Variants in ANKRD36 observed in about 807,000 individuals in gnomAD.
The protein encoded by ANKRD36 is ankyrin repeat domain-containing protein 36A.
A neutral mutation model predicts 278.1 loss-of-function variants in ANKRD36; 179 were observed. The observed-to-expected ratio is 0.64, with a 90% confidence interval of 0.57 to 0.73. ANKRD36 has a LOEUF of 0.73. Ranked by LOEUF, ANKRD36 falls within the 30% of genes least tolerant of loss-of-function variation. The probability of loss-of-function intolerance (pLI) is 0.00; values close to 1 mark genes in which losing one functional copy is unlikely to be tolerated. For missense variants in ANKRD36, 1,159 were observed against 1,956.7 expected (o/e 0.59, Z 7.69); for synonymous variants, 320 against 641.1 (o/e 0.50, Z 7.57).
chr2:97,208,045 G>T (rs1407812583), intron 54 of ANKRD36, 39 bp downstream of exon 54: 11 of 1,473,986 alleles, frequency 7.5e-6, no homozygotes, highest in Non-Finnish European at 1.0e-5. Flanking sequence ...GTTCAGTGCA[G>T]ATAGATAAGA....
intron 40 of ANKRD36, among the ~76,000 whole-genome samples, chr2:97,196,321 AAG>A (rs2059747205): frequency 1.1e-5 from 1 of 88,448 alleles, no homozygotes. Flanking sequence ...CACTCGGCCT[AAG>A]ACATTGATAT....
rs544583292 is a variant in ANKRD36, at chr2:97,167,338, T to C, written c.1532-239T>C. Among the ~76,000 whole-genome samples, 25 of 152,272 alleles carry C rather than the reference T, an allele frequency of 1.6e-4. No homozygotes were observed. In the East Asian group the frequency reaches 4.6e-3, roughly 28 times the overall value. On this transcript the variant is annotated intron_variant, in intron 20 of 75. Transcript: ENST00000420699. ...TGTAGTATTATAGTATAAATGGTTC[T>C]TGGGTGATTTTCTTCAGGGTACACC...
rs2060470018 is a variant in ANKRD36, at chr2:97,198,650, C to A, written c.2747C>A (p.Thr916Asn). Residue 916 changes from threonine to asparagine, a missense_variant, in exon 44 of 76, where the codon ACT (threonine) becomes AAT (asparagine). Coordinates refer to ENST00000420699, the MANE Select transcript of ANKRD36 (RefSeq NM_001354587.1). ...IARGKKDGEK[T>N]KRVSSRKKPS... Reference sequence around the variant, plus strand: ...AGAGGAAAAAAGGATGGAGAAAAAACTAAGAGAGGTAATTTTGAAAAGAGA... The same window carrying A: ...AGAGGAAAAAAGGATGGAGAAAAAAATAAGAGAGGTAATTTTGAAAAGAGA... 1.3e-6 allele frequency: 2 copies of A among 1,542,082 alleles called. No homozygotes were observed. Among genetic ancestry groups the A allele is most frequent in the Admixed American group, 2.0e-5 (1 of 50,714 alleles).
At chr2:97,154,087 CTTTCAAACATTTGCAGTG>C (rs2046824794) in intron 14 of ANKRD36, among the ~76,000 whole-genome samples, 1 of 147,856 alleles carries the variant, frequency 6.8e-6, no homozygotes, top group Admixed American at 6.7e-5. Flanking sequence ...GTACACTCAG[CTTTCAAACATTTGCAGTG>C]TTTCAGGGGG....
rs757919330 is a variant in ANKRD36 at position 97,192,905 on chromosome 2, A to G, written c.2376+19A>G. The G allele has an allele frequency of 1.9e-5, 31 of 1,603,838 alleles. No homozygotes were observed. The highest frequency in any genetic ancestry group is 2.5e-5 in the Non-Finnish European group (30 of 1,177,160). ...CTTGACGGTAATGAAACACTCATTT[A>G]TATTGTGAATGAGTTAAGGTATGGT... On this transcript the variant is annotated intron_variant, in intron 37 of 75. Coordinates refer to ENST00000420699, the MANE Select transcript of ANKRD36 (RefSeq NM_001354587.1).
intron 12 of ANKRD36, among the ~76,000 whole-genome samples, chr2:97,151,211 C>T (rs1298226533): frequency 2.0e-5 from 3 of 151,528 alleles, no homozygotes; most frequent in African/African-American, 4.9e-5. Flanking sequence ...TCTATTCTTT[C>T]ATTTCACTTC....
intron 15 of ANKRD36, among the ~76,000 whole-genome samples, chr2:97,156,434 T>C (rs2047463497): frequency 7.4e-6 from 1 of 134,624 alleles, no homozygotes; most frequent in African/African-American, 2.5e-5. Flanking sequence ...TGTGATCTCA[T>C]TGTTCAATTC....
intron 30 of ANKRD36, among the ~76,000 whole-genome samples, chr2:97,186,928 C>G (rs1337214202): frequency 1.3e-5 from 2 of 151,906 alleles, no homozygotes; most frequent in Admixed American, 1.3e-4. Context: ...TTGGCATACC[C>G]TTTTTGATAT....
chr2:97,217,020 T>C (rs2066115854), intron 62 of ANKRD36, 157 bp from the exon 63 acceptor site: 1 of 1,413,620 alleles, frequency 7.1e-7, no homozygotes. Context: ...TTCAGTGTAT[T>C]TCTGTCATGT....
intron 24 of ANKRD36, 108 bp from the exon 25 acceptor site, chr2:97,181,490 A>G: frequency 7.0e-7 from 1 of 1,436,174 alleles, no homozygotes; most frequent in South Asian, 1.4e-5. Flanking sequence ...ATCAAAGCCT[A>G]CACTAGTACA....
chr2:97,235,252 C>A (rs1357051787), intron 68 of ANKRD36, among the ~76,000 whole-genome samples: 1 of 151,568 alleles, frequency 6.6e-6, no homozygotes, highest in Admixed American at 6.6e-5. Context: ...TGTTCCAACA[C>A]CGCATGTTGA....
intron 5 of ANKRD36, among the ~76,000 whole-genome samples, chr2:97,126,782 A>G (rs1165891866): frequency 6.6e-6 from 1 of 151,526 alleles, no homozygotes; most frequent in Non-Finnish European, 1.5e-5. Flanking sequence ...CCTGTTGGCT[A>G]TAGAGCCAGG....
At chr2:97,172,150 G>A (rs1202394875) in intron 22 of ANKRD36, among the ~76,000 whole-genome samples, 2 of 151,716 alleles carry the variant, frequency 1.3e-5, no homozygotes, top group African/African-American at 4.8e-5. Flanking sequence ...TCACCCAAAT[G>A]CACATTAAAA....
chr2:97,242,288 CAA>C (rs377748316), intron 69 of ANKRD36, among the ~76,000 whole-genome samples: 23 of 123,978 alleles, frequency 1.9e-4, no homozygotes, highest in Admixed American at 2.5e-4. Context: ...GACTCCCTCT[CAA>C]AAAAAAAAAA....
intron 6 of ANKRD36, among the ~76,000 whole-genome samples, chr2:97,129,664 G>T (rs1412571552): frequency 6.6e-6 from 1 of 152,002 alleles, no homozygotes; most frequent in African/African-American, 2.4e-5. Context: ...TGTAAGGAAG[G>T]GATCCAGTTT....
intron 30 of ANKRD36, among the ~76,000 whole-genome samples, chr2:97,186,694 A>G (rs1460568842): frequency 2.6e-5 from 4 of 151,926 alleles, no homozygotes; most frequent in African/African-American, 9.7e-5. Context: ...TTCACTGAAG[A>G]GACAGAGACA....
intron 3 of ANKRD36, among the ~76,000 whole-genome samples, chr2:97,121,159 T>C (rs996096805): frequency 6.6e-6 from 1 of 152,100 alleles, no homozygotes; most frequent in Non-Finnish European, 1.5e-5. Context: ...AATCCTTTGG[T>C]AATCGGGTTG....
intron 28 of ANKRD36, among the ~76,000 whole-genome samples, 194 bp downstream of exon 28, chr2:97,183,848 T>TA (rs2056819951): frequency 6.6e-6 from 1 of 151,606 alleles, no homozygotes; most frequent in South Asian, 2.1e-4. Flanking sequence ...AACAAGCTTG[T>TA]AGAGTTCCCT....
intron 26 of ANKRD36, 47 bp from the exon 27 acceptor site, chr2:97,183,412 T>C (rs1480762348): frequency 6.6e-7 from 1 of 1,514,812 alleles, no homozygotes; most frequent in African/African-American, 1.4e-5. Context: ...ATGGATGACT[T>C]TGTCATATTT....
Sources: allele counts gnomAD v4.1 joint callset (sites outside exome capture counted in the v4.1 genomes callset), GRCh38; gene constraint gnomAD v4.1.1; transcripts MANE v1.5; gene names NCBI Gene and HGNC (gene_info 2026-07-23, HGNC 2026-07-21).